ST6GALNAC3: variants seen among roughly 807,000 people sequenced by gnomAD.
The protein encoded by ST6GALNAC3 is ST6 N-acetylgalactosaminide alpha-2,6-sialyltransferase 3.
In ST6GALNAC3, 25 loss-of-function variants were observed where a neutral mutation model predicts 32.7. The ratio of observed to expected loss-of-function variants is 0.76; its 90% CI spans 0.56 to 1.07. The LOEUF is 1.07. Among genes scored for constraint, ST6GALNAC3 ranks in the 50% least tolerant of loss-of-function variants. The pLI is 0.00. For missense variants in ST6GALNAC3, 355 were observed against 382.4 expected (o/e 0.93, Z 0.60); for synonymous variants, 129 against 133.1 (o/e 0.97, Z 0.21).
chr1:76,305,907 T>C (rs987869396), intron 1 of ST6GALNAC3: 2 of 518,106 alleles, frequency 3.9e-6, no homozygotes, highest in African/African-American at 1.9e-5. Context: ...TCTGATATTC[T>C]GCCTCTAGAG....
intron 1 of ST6GALNAC3, among the ~76,000 whole-genome samples, chr1:76,127,993 T>C (rs17098141): frequency 0.015 from 2,220 of 152,252 alleles, 81 homozygotes; most frequent in African/African-American, 0.051. Flanking sequence ...GTAGCAGTTA[T>C]TCCTACCTGA....
At chr1:76,457,578 C>T (rs904224639) in intron 3 of ST6GALNAC3, among the ~76,000 whole-genome samples, 13 of 151,244 alleles carry the variant, frequency 8.6e-5, no homozygotes, top group Non-Finnish European at 1.3e-4. Context: ...GAAATAATGC[C>T]GCATATCTAC....
chr1:76,371,508 A>G (rs1440994035), intron 2 of ST6GALNAC3, among the ~76,000 whole-genome samples: 1 of 152,216 alleles, frequency 6.6e-6, no homozygotes, highest in Non-Finnish European at 1.5e-5. Context: ...GAGACAGAAA[A>G]GCAATTGGTT....
chr1:76,520,687 T>C (rs1410552714), intron 3 of ST6GALNAC3, among the ~76,000 whole-genome samples: 1 of 152,160 alleles, frequency 6.6e-6, no homozygotes, highest in Non-Finnish European at 1.5e-5. Flanking sequence ...TGCATTGAGA[T>C]TTAGAATTGG....
chr1:76,619,527 T>G (rs1345592389), intron 3 of ST6GALNAC3, among the ~76,000 whole-genome samples: 6 of 152,172 alleles, frequency 3.9e-5, no homozygotes, highest in African/African-American at 1.4e-4. Flanking sequence ...AACTCTGAAT[T>G]AATGAGGAAT....
At chr1:76,241,338 T>A (rs999617074) in intron 1 of ST6GALNAC3, among the ~76,000 whole-genome samples, 1 of 152,204 alleles carries the variant, frequency 6.6e-6, no homozygotes, top group Non-Finnish European at 1.5e-5. Flanking sequence ...GCCCACAAAC[T>A]GCTTCCACTC....
At chr1:76,592,305 A>G (rs1159933301) in intron 3 of ST6GALNAC3, among the ~76,000 whole-genome samples, 1 of 152,186 alleles carries the variant, frequency 6.6e-6, no homozygotes, top group East Asian at 1.9e-4. Context: ...AACATTTTGA[A>G]GTAAAATCCA....
intron 1 of ST6GALNAC3, among the ~76,000 whole-genome samples, chr1:76,177,141 AT>A (rs1011162748): frequency 1.4e-4 from 21 of 151,924 alleles, no homozygotes; most frequent in South Asian, 1.0e-3. Context: ...TTTTACTACA[AT>A]TTTTTTTTAA....
intron 3 of ST6GALNAC3, among the ~76,000 whole-genome samples, chr1:76,516,979 T>A (rs1278504996): frequency 5.3e-5 from 8 of 151,954 alleles, no homozygotes; most frequent in Non-Finnish European, 1.0e-4. Context: ...TTATAAAAAT[T>A]TTTTCTAAGT....
intron 3 of ST6GALNAC3, among the ~76,000 whole-genome samples, chr1:76,486,977 A>C (rs1056374373): frequency 2.6e-5 from 4 of 152,050 alleles, no homozygotes; most frequent in African/African-American, 9.7e-5. Context: ...TTTCTCCTTC[A>C]TTTGTGAAGC....
In ST6GALNAC3 at chr1:76,154,400, C is replaced by T. The variant is rs200184113; in HGVS notation, c.18+79516C>T. Among the ~76,000 whole-genome samples the T allele has an allele frequency of 7.9e-5, 12 of 152,290 alleles. No individual in the cohort carries two copies. The East Asian group carries it at 1.9e-3, about 24-fold the overall frequency. On this transcript the variant is annotated intron_variant, in intron 1 of 4. Transcript: ENST00000328299. ...GAAGAGCACTGCATTTAAGCTGCTA[C>T]TTTGTGTCTCAGCTTCTACTTTCAA...
chr1:76,348,344 C>T (rs73004220), intron 2 of ST6GALNAC3, among the ~76,000 whole-genome samples: 5,762 of 152,212 alleles, frequency 0.038, 130 homozygotes, highest in African/African-American at 0.061. Flanking sequence ...AAGTATCTTT[C>T]CCAGTAACTT....
chr1:76,611,067 G>GTATA (rs10646330), intron 3 of ST6GALNAC3, among the ~76,000 whole-genome samples: 24,843 of 148,616 alleles, frequency 0.17, 2,466 homozygotes, highest in African/African-American at 0.29. Flanking sequence ...TCCAGGTGAG[G>GTATA]TATATATATA....
intron 3 of ST6GALNAC3, among the ~76,000 whole-genome samples, chr1:76,609,333 A>G (rs1304831877): frequency 2.0e-5 from 3 of 152,210 alleles, no homozygotes; most frequent in Non-Finnish European, 2.9e-5. Flanking sequence ...TTTTAATAAC[A>G]TATATCGCTA....
intron 3 of ST6GALNAC3, among the ~76,000 whole-genome samples, chr1:76,443,659 A>G (rs1045731172): frequency 2.0e-5 from 3 of 152,236 alleles, no homozygotes; most frequent in African/African-American, 7.2e-5. Flanking sequence ...TAAAGTGTGA[A>G]GGAGACTGTG....
chr1:76,226,806 T>C (rs482598), intron 1 of ST6GALNAC3, among the ~76,000 whole-genome samples: 43,326 of 151,904 alleles, frequency 0.29, 7,705 homozygotes, highest in African/African-American at 0.5. Flanking sequence ...GGAGGATCCA[T>C]CCCGCCTACA....
intron 1 of ST6GALNAC3, among the ~76,000 whole-genome samples, chr1:76,092,350 T>C (rs189758245): frequency 6.6e-6 from 1 of 152,352 alleles, no homozygotes; most frequent in African/African-American, 2.4e-5. Context: ...TTGTGGCTAA[T>C]CCCTTGGTAA....
At chr1:76,583,977 T>A (rs1482640541) in intron 3 of ST6GALNAC3, among the ~76,000 whole-genome samples, 1 of 152,232 alleles carries the variant, frequency 6.6e-6, no homozygotes, top group Non-Finnish European at 1.5e-5. Flanking sequence ...ACCACCACTC[T>A]AATATGTAAT....
chr1:76,267,018 G>T (rs1658569937), intron 1 of ST6GALNAC3, among the ~76,000 whole-genome samples: 4 of 152,234 alleles, frequency 2.6e-5, no homozygotes, highest in African/African-American at 7.2e-5. Context: ...CAATGCCAAT[G>T]TGAAGTCCCT....
Sources: gnomAD v4.1 joint callset for allele counts (sites outside exome capture counted in the v4.1 genomes callset) on GRCh38, gnomAD v4.1.1 for gene constraint, MANE v1.5 for transcripts, NCBI Gene and HGNC (gene_info 2026-07-23, HGNC 2026-07-21) for gene names.